Variants in KIF26B observed in about 807,000 individuals in gnomAD.
KIF26B encodes kinesin-like protein KIF26B.
KIF26B carries 63 observed loss-of-function variants against 151.2 expected under a neutral mutation model. The observed-to-expected ratio is 0.42, with a 90% confidence interval of 0.34 to 0.51. KIF26B has a LOEUF of 0.51. Among genes scored for constraint, KIF26B ranks in the 20% least tolerant of loss-of-function variants. The probability of loss-of-function intolerance (pLI) is 0.07; values close to 1 mark genes in which losing one functional copy is unlikely to be tolerated. For missense variants in KIF26B, 2,813 were observed against 2,913.6 expected (o/e 0.97, Z 0.79); for synonymous variants, 1,357 against 1,262.1 (o/e 1.08, Z -1.59).
intron 2 of KIF26B, among the ~76,000 whole-genome samples, chr1:245,278,241 T>G (rs879796845): frequency 6.6e-6 from 1 of 152,170 alleles, no homozygotes; most frequent in Non-Finnish European, 1.5e-5. Context: ...GTTTCCCATG[T>G]GTCATCAGCG....
intron 3 of KIF26B, among the ~76,000 whole-genome samples, chr1:245,413,871 A>G (rs1289880843): frequency 6.6e-6 from 1 of 152,216 alleles, no homozygotes; most frequent in African/African-American, 2.4e-5. Flanking sequence ...CCTCAGCCGA[A>G]TGGATCAGCA....
rs114642277 is a variant in KIF26B at position 245,680,762 on chromosome 1, G to A, written c.2259-3471G>A. Among the ~76,000 whole-genome samples the A allele has an allele frequency of 2.9e-3, 442 of 152,284 alleles. 1 individual carries two copies. The highest frequency in any genetic ancestry group is 0.01 in the African/African-American group (416 of 41,554). On this transcript the variant is annotated intron_variant, in intron 10 of 14. Transcript: ENST00000407071. ...TTTGTAACCCCAAAATCAATACAGC[G>A]GTTTCACAGTCATTCTCCGACACGG...
At position 245,218,824 on chromosome 1, in the gene KIF26B, C is replaced by T. The variant is rs1669701672; in HGVS notation, c.465+62141C>T. Among the ~76,000 whole-genome samples the T allele has an allele frequency of 6.6e-6, 1 of 152,156 alleles. No individual in the cohort carries two copies. Among genetic ancestry groups the T allele is most frequent in the Admixed American group, 6.5e-5 (1 of 15,274 alleles). ...AAAAGGGAGCTTGGGGCAGAATGAA[C>T]CACTAAAAAGTTATTGGCTCTTAAC... On this transcript the variant is annotated intron_variant, in intron 2 of 14. Transcript: ENST00000407071. This position sits in a 1 kb window ranked among gnomAD's most constrained non-coding sequence, Gnocchi z 4.1.
rs959921689 is a variant in KIF26B at position 245,241,373 on chromosome 1, C to A, written c.465+84690C>A. On this transcript the variant is annotated intron_variant, in intron 2 of 14. Coordinates refer to ENST00000407071, the MANE Select transcript of KIF26B (RefSeq NM_018012.4). The surrounding 1 kb of genome is among the most constrained non-coding windows in gnomAD (Gnocchi z 5.0). ...GCTGGATCGGCTTCTCCAGAGCCTG[C>A]TGGCTGGAGGTTGGCTGTCCGTGGT... Among the ~76,000 whole-genome samples the A allele has an allele frequency of 6.6e-6, 1 of 152,156 alleles. No individual in the cohort carries two copies. Among genetic ancestry groups the A allele is most frequent in the Non-Finnish European group, 1.5e-5 (1 of 68,024 alleles).
At chr1:245,693,559 C>A (rs2147963664) in intron 12 of KIF26B, among the ~76,000 whole-genome samples, 1 of 152,320 alleles carries the variant, frequency 6.6e-6, no homozygotes, top group African/African-American at 2.4e-5. Flanking sequence ...CTTTGTCATT[C>A]TAAGCGCCAG....
chr1:245,540,692 A>G lies in KIF26B; in HGVS notation c.1167-75A>G. On this transcript the variant is annotated intron_variant, in intron 4 of 14. Coordinates refer to ENST00000407071, the MANE Select transcript of KIF26B (RefSeq NM_018012.4). The surrounding 1 kb of genome is among the most constrained non-coding windows in gnomAD (Gnocchi z 4.6). ...CCTCAGAAAGAACGAGGGGTTGTTT[A>G]AGAGAAAACGAAGTAAGCCTAGCAG... 1 of 1,349,484 alleles carries G rather than the reference A, an allele frequency of 7.4e-7. No individual in the cohort carries two copies. Among genetic ancestry groups the G allele is most frequent in the South Asian group, 1.2e-5 (1 of 85,834 alleles). The allele number at this position is 1,349,484 out of a possible 1,614,324, so 83.6% of individuals were successfully genotyped here. A position where few individuals can be genotyped will look rare whatever the true frequency, so the allele number is the denominator to read the frequency against.
At chr1:245,288,483 C>T (rs1361872510) in intron 2 of KIF26B, among the ~76,000 whole-genome samples, 1 of 152,122 alleles carries the variant, frequency 6.6e-6, no homozygotes, top group African/African-American at 2.4e-5. Flanking sequence ...GAGCAAATGT[C>T]CCTGGAAAAG....
chr1:245,688,500 C>G lies in KIF26B; in HGVS notation c.5517C>G (p.Asp1839Glu), dbSNP rs1222809614. Residue 1839 changes from aspartate to glutamate, a missense_variant, in exon 12 of 15, where the codon GAC becomes GAG. Asp to Glu is a conservative substitution (Grantham distance 45). Transcript: ENST00000407071. ...CGCGCGGGGGGGCCCTGGCCGAGGA[C>G]GAGCCCGCGGCCGCGCACCTGCTCC... is the stretch of plus-strand genomic sequence containing the variant. ...AEARGGALAE[D>E]EPAAAHLLPS... 1.4e-6 allele frequency: 2 copies of G among 1,478,280 alleles called. No homozygotes were observed. The highest frequency in any genetic ancestry group is 1.3e-5 in the South Asian group (1 of 76,100). The allele number at this position is 1,478,280 out of a possible 1,614,324, so 91.6% of individuals were successfully genotyped here. A position where few individuals can be genotyped will look rare whatever the true frequency, so the allele number is the denominator to read the frequency against.
chr1:245,541,081 AT>A, intron 5 of KIF26B, 131 bp downstream of exon 5: 1 of 749,456 alleles, frequency 1.3e-6, no homozygotes, highest in Non-Finnish European at 2.1e-6. Flanking sequence ...GCAAGATGAA[AT>A]TCATTTGAAA....
Position 245,159,722 on chromosome 1 carries a change from G to A in KIF26B, c.465+3039G>A, listed in dbSNP as rs541604244. 7.2e-5 allele frequency among the ~76,000 whole-genome samples: 11 copies of A among 152,262 alleles called. No homozygotes were observed. In the East Asian group the frequency reaches 1.5e-3, roughly 21 times the overall value. On this transcript the variant is annotated intron_variant, in intron 2 of 14. Transcript: ENST00000407071. ...GGTAGCAAGCCCTATTGAATCCCCC[G>A]TTCTGTCTTTGGAACAGTTGGTTAA... is the stretch of plus-strand genomic sequence containing the variant.
chr1:245,620,550 C>G (rs969791205), intron 9 of KIF26B, among the ~76,000 whole-genome samples: 3 of 152,136 alleles, frequency 2.0e-5, no homozygotes, highest in African/African-American at 7.2e-5. Context: ...CAGGTGCGCA[C>G]CACCATGCCT....
chr1:245,450,796 A>G (rs149026595), intron 4 of KIF26B, among the ~76,000 whole-genome samples: 5 of 152,308 alleles, frequency 3.3e-5, no homozygotes, highest in African/African-American at 1.2e-4. Context: ...CCATTTTTTG[A>G]ACAGTAAAAA....
At chr1:245,411,219 A>G (rs901770223) in intron 3 of KIF26B, among the ~76,000 whole-genome samples, 2 of 152,226 alleles carry the variant, frequency 1.3e-5, no homozygotes, top group Admixed American at 1.3e-4. Flanking sequence ...CTGCCAGGGA[A>G]AGGCATCACC....
chr1:245,165,167 G>C lies in KIF26B; in HGVS notation c.465+8484G>C, dbSNP rs556537218. On this transcript the variant is annotated intron_variant, in intron 2 of 14. Coordinates refer to ENST00000407071, the MANE Select transcript of KIF26B (RefSeq NM_018012.4). ...GTTGGGAGGCCCCTTGCAGTGGCTT[G>C]AGTGAAGAATGACACAGACTGAACT... 3.3e-5 allele frequency among the ~76,000 whole-genome samples: 5 copies of C among 152,076 alleles called. No individual in the cohort carries two copies. In the East Asian group the frequency reaches 9.7e-4, roughly 29 times the overall value.
chr1:245,369,211 C>CAGAG (rs1553268134), intron 3 of KIF26B, among the ~76,000 whole-genome samples: 3 of 151,680 alleles, frequency 2.0e-5, no homozygotes, highest in African/African-American at 7.3e-5. Flanking sequence ...GACAGACAGA[C>CAGAG]AGACAGTTTA....
In KIF26B at chr1:245,527,603, G is replaced by A. The variant is rs200341966; in HGVS notation, c.1167-13164G>A. On this transcript the variant is annotated intron_variant, in intron 4 of 14. Coordinates refer to ENST00000407071, the MANE Select transcript of KIF26B (RefSeq NM_018012.4). ...GGCTGGAGCGCAGTGGCGTGATCTC[G>A]GCTCACTGCAAGCTCCACCTCCCGG... 3.2e-3 allele frequency among the ~76,000 whole-genome samples: 432 copies of A among 134,812 alleles called. 6 individuals carry two copies. Among genetic ancestry groups the A allele is most frequent in the East Asian group, 0.011 (51 of 4,624 alleles). The allele number at this position is 134,812 out of a possible 152,430, so 88.4% of individuals were successfully genotyped here.
rs1393485412 is a variant in KIF26B at position 245,432,212 on chromosome 1, A to G, written c.1166+12467A>G. Among the ~76,000 whole-genome samples the G allele has an allele frequency of 2.0e-5, 3 of 152,146 alleles. No homozygotes were observed. The East Asian group carries it at 5.8e-4, about 29-fold the overall frequency. Reference sequence around the variant, plus strand: ...GGGAGATGGGCGGCTAAGTCTCCAGATTGTCCTGCATTGAAGTGCTTGGAG... The same window carrying G: ...GGGAGATGGGCGGCTAAGTCTCCAGGTTGTCCTGCATTGAAGTGCTTGGAG... On this transcript the variant is annotated intron_variant, in intron 4 of 14. Coordinates refer to ENST00000407071, the MANE Select transcript of KIF26B (RefSeq NM_018012.4).
At chr1:245,530,667 A>C (rs928038000) in intron 4 of KIF26B, among the ~76,000 whole-genome samples, 1 of 152,206 alleles carries the variant, frequency 6.6e-6, no homozygotes, top group Admixed American at 6.5e-5. Context: ...CAGAGAGTAA[A>C]GCTCTTCAGC....
chr1:245,518,670 G>A (rs1346924275), intron 4 of KIF26B, among the ~76,000 whole-genome samples: 1 of 152,178 alleles, frequency 6.6e-6, no homozygotes, highest in Non-Finnish European at 1.5e-5. Context: ...ACTCACAATA[G>A]TGGGAAAAAA....
Sources: allele counts gnomAD v4.1 joint callset (sites outside exome capture counted in the v4.1 genomes callset), GRCh38; gene constraint gnomAD v4.1.1; non-coding constraint Gnocchi (gnomAD v3.1); transcripts MANE v1.5; gene names NCBI Gene and HGNC (gene_info 2026-07-23, HGNC 2026-07-21).